Variants in ANKRD30B observed in about 807,000 individuals in gnomAD.
ANKRD30B encodes the protein ankyrin repeat domain 30B.
A neutral mutation model predicts 202.2 loss-of-function variants in ANKRD30B; 144 were observed. The observed-to-expected ratio is 0.71, with a 90% CI of 0.62 to 0.82. The LOEUF (loss-of-function observed/expected upper bound fraction) is 0.82, where lower values mean the gene tolerates loss of function less well. Ranked by LOEUF, ANKRD30B falls within the 40% of genes least tolerant of loss-of-function variation. The pLI is 0.00. For missense variants in ANKRD30B, 1,487 were observed against 1,669.1 expected, an observed-to-expected ratio of 0.89 and a Z score of 1.90; for synonymous variants, 508 against 561.3, an observed-to-expected ratio of 0.91 and a Z score of 1.34.
the ANKRD30B span, among the ~76,000 whole-genome samples, chr18:14,891,814 A>G: frequency 6.6e-6 from 1 of 152,392 alleles, no homozygotes; most frequent in African/African-American, 2.4e-5. Flanking sequence ...TGGTAACTAC[A>G]GCTTCATTGC....
the ANKRD30B span, among the ~76,000 whole-genome samples, chr18:14,892,180 A>G: frequency 1.3e-5 from 2 of 152,218 alleles, no homozygotes; most frequent in South Asian, 4.1e-4. Flanking sequence ...TTTCTTTTAG[A>G]TAAAAAGAGA....
chr18:14,849,719 A>T (rs1386439313), intron 40 of ANKRD30B, among the ~76,000 whole-genome samples: 7 of 151,610 alleles, frequency 4.6e-5, no homozygotes, highest in African/African-American at 1.7e-4. Flanking sequence ...CACATATTAG[A>T]CTCTTTAATC....
At chr18:14,860,403 G>A in the ANKRD30B span, among the ~76,000 whole-genome samples, 33 of 116,542 alleles carry the variant, frequency 2.8e-4, no homozygotes, top group South Asian at 6.2e-4. Context: ...GGGCAGAGGC[G>A]CTCCTCACCT....
rs753111316 is a variant in ANKRD30B, at chr18:14,850,287, C to T, written c.3469C>T (p.Gln1157Ter). The change falls in exon 41 of 44, where the codon CAA (glutamine) becomes TAA (stop). Residue 1157 changes from glutamine (Q) to a stop codon, truncating the protein, a stop_gained. Coordinates refer to ENST00000690538, the MANE Select transcript of ANKRD30B (RefSeq NM_001367607.2). LOFTEE classifies it high-confidence loss of function. ...ILKEKIRPEE[Q>*]LRKKLEVKQQ... ...AAAAGAAAAAATTAGACCCGAAGAGCAACTTAGGAAAAAGTTAGAAGTGAA... is the reference window on the plus strand; with the variant it reads ...AAAAGAAAAAATTAGACCCGAAGAGTAACTTAGGAAAAAGTTAGAAGTGAA... 6.3e-7 allele frequency: 1 copy of T among 1,590,404 alleles called. No homozygotes were observed. Among genetic ancestry groups the T allele is most frequent in the East Asian group, 2.3e-5 (1 of 43,948 alleles).
At chr18:14,760,262 C>T (rs1227706594) in intron 5 of ANKRD30B, among the ~76,000 whole-genome samples, 11 of 152,114 alleles carry the variant, frequency 7.2e-5, no homozygotes, top group East Asian at 3.9e-4. Flanking sequence ...TTGGTAACTG[C>T]GCTAGGACTT....
intron 1 of ANKRD30B, among the ~76,000 whole-genome samples, chr18:14,751,523 G>A (rs530629074): frequency 1.8e-3 from 229 of 129,666 alleles, no homozygotes; most frequent in African/African-American, 6.4e-3. Flanking sequence ...AGTGAGAAAC[G>A]AGTAAAAGAT....
the ANKRD30B span, among the ~76,000 whole-genome samples, chr18:14,932,289 C>G: frequency 6.6e-6 from 1 of 151,692 alleles, no homozygotes; most frequent in South Asian, 2.1e-4. Context: ...GCCTTTGGCC[C>G]AGGGAGCTGG....
At chr18:14,920,651 C>T in the ANKRD30B span, among the ~76,000 whole-genome samples, 3 of 152,180 alleles carry the variant, frequency 2.0e-5, no homozygotes, top group African/African-American at 7.2e-5. Context: ...GTTTTGACTT[C>T]CCAAGGTCCT....
chr18:14,865,994 A>G, the ANKRD30B span, among the ~76,000 whole-genome samples: 1 of 152,050 alleles, frequency 6.6e-6, no homozygotes, highest in African/African-American at 2.4e-5. Context: ...CCGGAGGCCT[A>G]CTCTGATTGG....
intron 39 of ANKRD30B, among the ~76,000 whole-genome samples, chr18:14,844,754 T>C (rs914579207): frequency 6.6e-6 from 1 of 152,182 alleles, no homozygotes; most frequent in African/African-American, 2.4e-5. Context: ...TGTTGTTTCC[T>C]GACTTTTTAA....
At chr18:14,790,463 A>G (rs1281650381) in intron 15 of ANKRD30B, among the ~76,000 whole-genome samples, 7 of 152,142 alleles carry the variant, frequency 4.6e-5, no homozygotes, top group African/African-American at 1.7e-4. Context: ...TCCCTGTCTT[A>G]TGCCAGTTTT....
At chr18:14,767,593 A>G (rs1916450037) in intron 7 of ANKRD30B, among the ~76,000 whole-genome samples, 1 of 152,140 alleles carries the variant, frequency 6.6e-6, no homozygotes, top group South Asian at 2.1e-4. Flanking sequence ...GTGTTAGGCT[A>G]CTAATTATTT....
chr18:14,791,979 G>A (rs1968543997), intron 16 of ANKRD30B, among the ~76,000 whole-genome samples: 1 of 152,110 alleles, frequency 6.6e-6, no homozygotes, highest in Non-Finnish European at 1.5e-5. Context: ...TTTCTCACTG[G>A]TGGGAAGCCA....
At chr18:14,807,078 CA>C (rs1177749466) in intron 24 of ANKRD30B, among the ~76,000 whole-genome samples, 2 of 151,060 alleles carry the variant, frequency 1.3e-5, no homozygotes, top group African/African-American at 4.9e-5. Context: ...AATGCTTGCA[CA>C]TAAATTTTGT....
At chr18:14,863,696 G>A in the ANKRD30B span, among the ~76,000 whole-genome samples, 1 of 150,640 alleles carries the variant, frequency 6.6e-6, no homozygotes, top group African/African-American at 2.4e-5. Context: ...AAAATAGATG[G>A]TATCAATCTT....
At chr18:14,780,654 G>A (rs1193028898) in intron 11 of ANKRD30B, among the ~76,000 whole-genome samples, 2 of 152,272 alleles carry the variant, frequency 1.3e-5, no homozygotes, top group African/African-American at 4.8e-5. Context: ...GCAAATATAT[G>A]ATTCAGTGGT....
At chr18:14,880,565 G>C in the ANKRD30B span, among the ~76,000 whole-genome samples, 1 of 43,206 alleles carries the variant, frequency 2.3e-5, no homozygotes, top group African/African-American at 6.0e-5. Context: ...TTTCTTTCTT[G>C]GTTTTTTTTT....
At chr18:14,890,789 T>C in the ANKRD30B span, among the ~76,000 whole-genome samples, 7 of 149,618 alleles carry the variant, frequency 4.7e-5, no homozygotes, top group Non-Finnish European at 1.0e-4. Context: ...AAACTGATAG[T>C]ATTTTGATAC....
chr18:14,836,062 C>T (rs1212024835), intron 34 of ANKRD30B, among the ~76,000 whole-genome samples: 2 of 151,904 alleles, frequency 1.3e-5, no homozygotes, highest in Non-Finnish European at 2.9e-5. Flanking sequence ...ATTTCATTTT[C>T]AAAATTTCAG....
Sources: gnomAD v4.1 joint callset for allele counts (sites outside exome capture counted in the v4.1 genomes callset) on GRCh38, gnomAD v4.1.1 for gene constraint, MANE v1.5 for transcripts, NCBI Gene and HGNC (gene_info 2026-07-23, HGNC 2026-07-21) for gene names.